Variants in TMEM132D observed in about 807,000 individuals in gnomAD.
TMEM132D encodes mature OL transmembrane protein.
In TMEM132D, 21 loss-of-function variants were observed where a neutral mutation model predicts 62.3. The ratio of observed to expected loss-of-function variants is 0.34; its 90% CI spans 0.24 to 0.49. The LOEUF (loss-of-function observed/expected upper bound fraction) is 0.49, where lower values mean the gene tolerates loss of function less well. Among genes scored for constraint, TMEM132D ranks in the 20% least tolerant of loss-of-function variants. TMEM132D has a pLI of 0.99. For synonymous variants in TMEM132D, 621 were observed against 575.6 expected (o/e 1.08, Z -1.13); for missense variants, 1,346 against 1,402.8 (o/e 0.96, Z 0.65).
chr12:129,293,783 A>ATGCGAGCCATGAC (rs1881505649), intron 4 of TMEM132D, among the ~76,000 whole-genome samples: 1 of 152,146 alleles, frequency 6.6e-6, no homozygotes, highest in Non-Finnish European at 1.5e-5. Context: ...TTGGGTAGTA[A>ATGCGAGCCATGAC]TGCGAGCCAT....
chr12:129,103,534 T>G (rs552905260), intron 5 of TMEM132D, among the ~76,000 whole-genome samples: 1 of 152,188 alleles, frequency 6.6e-6, no homozygotes, highest in African/African-American at 2.4e-5. Flanking sequence ...ACCTACTCTT[T>G]GTTCCTTCAG....
At position 129,326,084 on chromosome 12, in the gene TMEM132D, T is replaced by G. The variant is rs545813148; in HGVS notation, c.1299+11550A>C. Among the ~76,000 whole-genome samples the G allele has an allele frequency of 3.9e-5, 6 of 152,280 alleles. No individual in the cohort carries two copies. The East Asian group carries it at 1.2e-3, about 29-fold the overall frequency. ...AGGCTCGGGGCTGACCTATCAAACC[T>G]GAGATCCCTTCAGAATGATCAAGCA... is the stretch of plus-strand genomic sequence containing the variant. On this transcript the variant is annotated intron_variant, in intron 4 of 8. Transcript: ENST00000422113.
intron 3 of TMEM132D, among the ~76,000 whole-genome samples, chr12:129,522,195 A>G (rs1156826868): frequency 6.6e-6 from 1 of 152,222 alleles, no homozygotes; most frequent in Non-Finnish European, 1.5e-5. Context: ...TGGCAGGTGA[A>G]AGCTGTCAGA....
intron 5 of TMEM132D, among the ~76,000 whole-genome samples, chr12:129,185,176 T>C (rs1878187094): frequency 6.6e-6 from 1 of 152,158 alleles, no homozygotes; most frequent in Non-Finnish European, 1.5e-5. Flanking sequence ...CTGGAGACCA[T>C]CTGTATGACC....
intron 5 of TMEM132D, among the ~76,000 whole-genome samples, chr12:129,152,129 G>A (rs35783813): frequency 0.059 from 8,984 of 152,192 alleles, 358 homozygotes; most frequent in Middle Eastern, 0.089. Context: ...ATCTACCCCC[G>A]CCTTGGCCTC....
chr12:129,749,130 T>C (rs1160318993), intron 1 of TMEM132D, among the ~76,000 whole-genome samples: 3 of 152,222 alleles, frequency 2.0e-5, no homozygotes, highest in Non-Finnish European at 4.4e-5. Flanking sequence ...ATCATGGTTA[T>C]TGATTGTATT....
chr12:129,605,622 TACACACACACAC>T (rs55684861), intron 2 of TMEM132D, among the ~76,000 whole-genome samples: 1 of 126,838 alleles, frequency 7.9e-6, no homozygotes, highest in East Asian at 2.1e-4. Context: ...CATATATATA[TACACACACACAC>T]ACACACACAC....
chr12:129,073,023 C>T lies in TMEM132D; in HGVS notation c.*852G>A, dbSNP rs888165210. The T allele has an allele frequency of 4.6e-5, 7 of 152,336 alleles. No homozygotes were observed. Among genetic ancestry groups the T allele is most frequent in the Non-Finnish European group, 1.0e-4 (7 of 68,054 alleles). The allele number at this position is 152,336 out of a possible 1,614,324, so 9.4% of individuals were successfully genotyped here. On this transcript the variant is annotated 3_prime_UTR_variant, in exon 9 of 9. Coordinates refer to ENST00000422113, the MANE Select transcript of TMEM132D (RefSeq NM_133448.3). ...ACTACAAACTGCCCTCTCCCTCCCC[C>T]ACCCACAGGTGACCAACGGCTTTGG...
At chr12:129,798,000 T>C (rs1021935499) in intron 1 of TMEM132D, among the ~76,000 whole-genome samples, 1 of 152,178 alleles carries the variant, frequency 6.6e-6, no homozygotes, top group Non-Finnish European at 1.5e-5. Context: ...CTTGGTGCCA[T>C]CCTCAAAATA....
intron 2 of TMEM132D, among the ~76,000 whole-genome samples, chr12:129,661,471 A>G (rs1378696033): frequency 6.6e-6 from 1 of 152,242 alleles, no homozygotes; most frequent in African/African-American, 2.4e-5. Context: ...TTAGTGAACT[A>G]CTAACCTATT....
chr12:129,797,923 G>A (rs906696493), intron 1 of TMEM132D, among the ~76,000 whole-genome samples: 2 of 152,218 alleles, frequency 1.3e-5, no homozygotes, highest in African/African-American at 4.8e-5. Context: ...CAGTGTTGGA[G>A]GTGGGAACTG....
chr12:129,367,491 C>T (rs977872600), intron 3 of TMEM132D, among the ~76,000 whole-genome samples: 3 of 152,126 alleles, frequency 2.0e-5, no homozygotes, highest in Non-Finnish European at 4.4e-5. Context: ...GTCCCAAAGA[C>T]CCTGCCCCGC....
At chr12:129,467,070 T>G (rs1873934200) in intron 3 of TMEM132D, among the ~76,000 whole-genome samples, 1 of 152,108 alleles carries the variant, frequency 6.6e-6, no homozygotes. Context: ...ATACGTCAAA[T>G]GAATAACAGA....
chr12:129,122,896 T>C (rs929024267), intron 5 of TMEM132D, among the ~76,000 whole-genome samples: 5 of 152,200 alleles, frequency 3.3e-5, no homozygotes, highest in African/African-American at 1.2e-4. Context: ...AAACTGGTTA[T>C]GGTGAATGAT....
At chr12:129,825,101 C>T (rs1872629172) in intron 1 of TMEM132D, among the ~76,000 whole-genome samples, 1 of 151,784 alleles carries the variant, frequency 6.6e-6, no homozygotes, top group Admixed American at 6.6e-5. Flanking sequence ...GCAACCTCCA[C>T]CTCCCCGGTT....
intron 4 of TMEM132D, among the ~76,000 whole-genome samples, chr12:129,251,087 G>A (rs1406753201): frequency 1.3e-5 from 2 of 152,228 alleles, no homozygotes; most frequent in Non-Finnish European, 2.9e-5. Flanking sequence ...GCTGGGCGCC[G>A]TGGCTCACGC....
intron 1 of TMEM132D, among the ~76,000 whole-genome samples, chr12:129,750,877 A>C (rs571304043): frequency 1.3e-5 from 2 of 149,810 alleles, no homozygotes; most frequent in South Asian, 2.1e-4. Context: ...TAAGCCAATG[A>C]AAATGATCAT....
intron 2 of TMEM132D, among the ~76,000 whole-genome samples, chr12:129,616,942 T>C (rs1427886752): frequency 6.6e-6 from 1 of 152,230 alleles, no homozygotes; most frequent in Non-Finnish European, 1.5e-5. Context: ...ATTTTGTCGC[T>C]GTTGTATATT....
rs1869335579 is a variant in TMEM132D, at chr12:129,337,642, G to T, written c.1291C>A (p.Leu431Met). Residue 431 changes from leucine (L) to methionine (M), a missense_variant, in exon 4 of 9, where the codon CTG becomes ATG. Transcript: ENST00000422113. ...SPKDLIGVVPLAMEAEILNTA... is the reference protein window; with the variant it reads ...SPKDLIGVVPMAMEAEILNTA... ...GGGCGGGGCTTGCTTACCATAGCCA[G>T]CGGCACAACTCCAATCAAGTCCTTT... is the stretch of plus-strand genomic sequence containing the variant. The T allele has an allele frequency of 6.2e-7, 1 of 1,613,822 alleles. No individual in the cohort carries two copies. Among genetic ancestry groups the T allele is most frequent in the Non-Finnish European group, 8.5e-7 (1 of 1,179,880 alleles).
Sources: allele counts gnomAD v4.1 joint callset (sites outside exome capture counted in the v4.1 genomes callset), GRCh38; gene constraint gnomAD v4.1.1; transcripts MANE v1.5; gene names NCBI Gene and HGNC (gene_info 2026-07-23, HGNC 2026-07-21).